Variants in NLRP8 observed in about 807,000 individuals in gnomAD.
NLRP8 encodes NLR family pyrin domain containing 8.
Under a neutral mutation model 88.7 loss-of-function variants are expected in NLRP8, and 86 were observed. The ratio of observed to expected loss-of-function variants is 0.97; its 90% CI spans 0.81 to 1.16. The LOEUF is 1.16. Among genes scored for constraint, NLRP8 ranks in the 50% most tolerant of loss-of-function variants. The pLI is 0.00. For synonymous variants in NLRP8, 504 were observed against 494.6 expected (o/e 1.02, Z -0.25); for missense variants, 1,342 against 1,286.5 (o/e 1.04, Z -0.66).
intron 9 of NLRP8, among the ~76,000 whole-genome samples, chr19:55,983,646 C>A (rs1980671276): frequency 6.6e-6 from 1 of 151,332 alleles, no homozygotes; most frequent in South Asian, 2.1e-4. Flanking sequence ...GTAGATTGTG[C>A]CTTAGCCAAG....
chr19:55,987,949 C>A lies in NLRP8; in HGVS notation c.*36C>A. 6.7e-7 allele frequency: 1 copy of A among 1,487,392 alleles called. No homozygotes were observed. The highest frequency in any genetic ancestry group is 1.1e-5 in the South Asian group (1 of 88,342). The allele number at this position is 1,487,392 out of a possible 1,614,324, so 92.1% of individuals were successfully genotyped here. On this transcript the variant is annotated 3_prime_UTR_variant, in exon 10 of 10. Transcript: ENST00000291971. ...CATCTTTCTCTGGGGCTTGATTGAT[C>A]AGTTCCCACTCTGACAACTGGCAAA...
At chr19:55,972,305 G>C (rs991630595) in intron 6 of NLRP8, among the ~76,000 whole-genome samples, 6 of 151,734 alleles carry the variant, frequency 4.0e-5, no homozygotes, top group African/African-American at 1.5e-4. Context: ...AGTAGACACG[G>C]GGTTTTGCCA....
chr19:55,970,666 A>G lies in NLRP8; in HGVS notation c.2504A>G (p.Tyr835Cys), dbSNP rs1377492671. 2 of 1,614,040 alleles carry G rather than the reference A, an allele frequency of 1.2e-6. No homozygotes were observed. The highest frequency in any genetic ancestry group is 1.7e-5 in the Admixed American group (1 of 59,984). Residue 835 changes from tyrosine to cysteine, a missense_variant, in exon 6 of 10, where the codon TAC becomes TGC. Physicochemically the swap from Tyr to Cys is radical, Grantham distance 194. Coordinates refer to ENST00000291971, the MANE Select transcript of NLRP8 (RefSeq NM_176811.2). ...TCCCTGGAGAACTGTGGGGCGTATTACCTGTCTGTGGCCCAGCTGGAGAGG... is the reference window on the plus strand; with the variant it reads ...TCCCTGGAGAACTGTGGGGCGTATTGCCTGTCTGTGGCCCAGCTGGAGAGG...
chr19:55,968,679 G>T (rs77293590), intron 5 of NLRP8, among the ~76,000 whole-genome samples: 21,062 of 152,024 alleles, frequency 0.14, 1,930 homozygotes, highest in East Asian at 0.47. Flanking sequence ...AGCAGAGGTT[G>T]CAGTGAGGCA....
chr19:55,948,355 T>G, intron 1 of NLRP8, 86 bp downstream of exon 1: 4 of 1,412,098 alleles, frequency 2.8e-6, no homozygotes, highest in Non-Finnish European at 3.9e-6. Context: ...TATCACTTAT[T>G]GGCCTTCTGA....
chr19:55,970,588 GC>G lies in NLRP8; in HGVS notation c.2427del (p.Asn810IlefsTer9), dbSNP rs753844897. On this transcript the variant is annotated frameshift_variant, in exon 6 of 10. Transcript: ENST00000291971. LOFTEE classifies it high-confidence loss of function. ...ACCCCTAGAATTTGGACTGATCTTG[GC>G]AATAATCTTCAAGGTAACGGGCATC... 1.9e-6 allele frequency: 3 copies of G among 1,614,052 alleles called. No homozygotes were observed. In the South Asian group the frequency reaches 3.3e-5, roughly 18 times the overall value.
chr19:55,957,172 A>G (rs1351827438), intron 3 of NLRP8, among the ~76,000 whole-genome samples: 1 of 152,196 alleles, frequency 6.6e-6, no homozygotes, highest in Non-Finnish European at 1.5e-5. Flanking sequence ...TGATGAAGAC[A>G]TCCTGAATCT....
At position 55,961,313 on chromosome 19, in the gene NLRP8, T is replaced by A. The variant is rs376613393; in HGVS notation, c.2043-754T>A. Among the ~76,000 whole-genome samples the A allele has an allele frequency of 1.1e-4, 16 of 152,324 alleles. No individual in the cohort carries two copies. In the East Asian group the frequency reaches 3.1e-3, roughly 29 times the overall value. ...AATGAAAGAGAAAGTCAGCAGGTCC[T>A]TCTACGGCCAAACTACATGCCAATC... On this transcript the variant is annotated intron_variant, in intron 3 of 9. Coordinates refer to ENST00000291971, the MANE Select transcript of NLRP8 (RefSeq NM_176811.2).
intron 3 of NLRP8, among the ~76,000 whole-genome samples, chr19:55,961,689 C>T (rs1382132351): frequency 2.6e-5 from 4 of 152,138 alleles, no homozygotes; most frequent in African/African-American, 7.2e-5. Flanking sequence ...GTAACCCCAG[C>T]TCCTCAGGCA....
At chr19:55,961,876 A>C (rs1979626740) in intron 3 of NLRP8, among the ~76,000 whole-genome samples, 191 bp from the exon 4 acceptor site, 1 of 152,188 alleles carries the variant, frequency 6.6e-6, no homozygotes, top group Admixed American at 6.5e-5. Context: ...ATTTGTGACC[A>C]TGAGTCTCCC....
At chr19:55,959,615 C>T (rs1179381540) in intron 3 of NLRP8, among the ~76,000 whole-genome samples, 2 of 152,116 alleles carry the variant, frequency 1.3e-5, no homozygotes, top group African/African-American at 2.4e-5. Flanking sequence ...TGGGTATGTC[C>T]CTGAACCAAA....
At chr19:55,952,508 C>A in intron 1 of NLRP8, 30 bp from the exon 2 acceptor site, 2 of 1,586,526 alleles carry the variant, frequency 1.3e-6, no homozygotes, top group South Asian at 1.1e-5. Context: ...TTATCATTCC[C>A]GTGGAACAGC....
At chr19:55,963,240 C>G (rs1419180314) in intron 4 of NLRP8, among the ~76,000 whole-genome samples, 1 of 152,184 alleles carries the variant, frequency 6.6e-6, no homozygotes, top group African/African-American at 2.4e-5. Flanking sequence ...TTTTGAACTC[C>G]TGACCTCAAG....
chr19:55,955,008 G>A lies in NLRP8; in HGVS notation c.950G>A (p.Ser317Asn), dbSNP rs1473006622. The change falls in exon 3 of 10, where the codon AGC (serine) becomes AAC (asparagine). Residue 317 changes from serine (S) to asparagine (N), a missense_variant. Coordinates refer to ENST00000291971, the MANE Select transcript of NLRP8 (RefSeq NM_176811.2). ...AAATTGCCTGGGTCTGTCCTACTGA[G>A]CAGTTTGCTGAGCAAAACGATGCTT... 1 of 1,614,126 alleles carries A rather than the reference G, an allele frequency of 6.2e-7. No homozygotes were observed. Among genetic ancestry groups the A allele is most frequent in the Admixed American group, 1.7e-5 (1 of 60,018 alleles).
chr19:55,960,488 A>C (rs1245282916), intron 3 of NLRP8, among the ~76,000 whole-genome samples: 1 of 152,070 alleles, frequency 6.6e-6, no homozygotes, highest in East Asian at 1.9e-4. Flanking sequence ...TGGTCACCCG[A>C]CTAAGACCTC....
In NLRP8 at chr19:55,956,215, G is replaced by A. The variant is rs900010163; in HGVS notation, c.2042+115G>A. On this transcript the variant is annotated intron_variant, in intron 3 of 9. Coordinates refer to ENST00000291971, the MANE Select transcript of NLRP8 (RefSeq NM_176811.2). Reference sequence around the variant, plus strand: ...CCTTTCTGATCTCTTTCCTAGCCTAGTTTGCACAGTACTTCTGTTGCTTTG... The same window carrying A: ...CCTTTCTGATCTCTTTCCTAGCCTAATTTGCACAGTACTTCTGTTGCTTTG... The A allele has an allele frequency of 2.2e-5, 23 of 1,039,400 alleles. No individual in the cohort carries two copies. The African/African-American group carries it at 3.2e-4, about 14-fold the overall frequency. The allele number at this position is 1,039,400 out of a possible 1,614,324, so 64.4% of individuals were successfully genotyped here. A position where few individuals can be genotyped will look rare whatever the true frequency, so the allele number is the denominator to read the frequency against.
Position 55,955,561 on chromosome 19 carries a change from C to G in NLRP8, c.1503C>G (p.Asp501Glu), listed in dbSNP as rs1177318721. ...TTCGGAGAATTGCAGGTGAGGAAGA[C>G]CACTATGTCTTTACCCTCGTGACTT... is the stretch of plus-strand genomic sequence containing the variant. Residue 501 changes from aspartate to glutamate, a missense_variant, in exon 3 of 10, where the codon GAC (aspartate) becomes GAG (glutamate). By Grantham distance (45) the Asp-to-Glu change is conservative (BLOSUM62 2). Coordinates refer to ENST00000291971, the MANE Select transcript of NLRP8 (RefSeq NM_176811.2). 5 of 1,614,018 alleles carry G rather than the reference C, an allele frequency of 3.1e-6. No individual in the cohort carries two copies. Among genetic ancestry groups the G allele is most frequent in the Non-Finnish European group, 4.2e-6 (5 of 1,180,044 alleles).
At chr19:55,984,424 G>T (rs905607614) in intron 9 of NLRP8, among the ~76,000 whole-genome samples, 1 of 144,362 alleles carries the variant, frequency 6.9e-6, no homozygotes, top group Admixed American at 7.4e-5. Context: ...GGAGGCCGAA[G>T]CGGGGGGATC....
chr19:55,956,249 T>C (rs1427754592), intron 3 of NLRP8, 149 bp downstream of exon 3: 1 of 856,678 alleles, frequency 1.2e-6, no homozygotes, highest in African/African-American at 1.7e-5. Flanking sequence ...TGTTTTGTTT[T>C]GTTTTGTTTT....
Sources: allele counts gnomAD v4.1 joint callset (sites outside exome capture counted in the v4.1 genomes callset), GRCh38; gene constraint gnomAD v4.1.1; transcripts MANE v1.5; gene names NCBI Gene and HGNC (gene_info 2026-07-23, HGNC 2026-07-21).